The following ZNF536 variants were observed in gnomAD, a reference collection of about 807,000 sequenced individuals.
ZNF536 encodes the protein zinc finger protein 536.
Under a neutral mutation model 84.5 loss-of-function variants are expected in ZNF536, and 13 were observed. The ratio of observed to expected loss-of-function variants is 0.15; its 90% CI spans 0.10 to 0.24. ZNF536 has a LOEUF of 0.24. Among genes scored for constraint, ZNF536 ranks in the 10% least tolerant of loss-of-function variants. The probability of loss-of-function intolerance (pLI) is 1.00; values close to 1 mark genes in which losing one functional copy is unlikely to be tolerated. For synonymous variants in ZNF536, 811 were observed against 742.5 expected, an observed-to-expected ratio of 1.09 and a Z score of -1.50; for missense variants, 1,536 against 1,747.5, an observed-to-expected ratio of 0.88 and a Z score of 2.16.
chr19:30,341,349 G>A (rs142703592), intron 2 of ZNF536, among the ~76,000 whole-genome samples: 3 of 152,156 alleles, frequency 2.0e-5, no homozygotes, highest in Non-Finnish European at 2.9e-5. Flanking sequence ...TGTCCAGTTC[G>A]GTGGAAAGTA....
downstream of ZNF536, among the ~76,000 whole-genome samples, chr19:30,561,011 G>A (rs1220561361): frequency 6.6e-6 from 1 of 152,208 alleles, no homozygotes; most frequent in Non-Finnish European, 1.5e-5. Context: ...GGCTTCACGA[G>A]GGGTTTGTCT....
chr19:30,466,600 G>A (rs570536834), intron 2 of ZNF536, among the ~76,000 whole-genome samples: 5 of 151,242 alleles, frequency 3.3e-5, no homozygotes, highest in Non-Finnish European at 7.4e-5. Context: ...GAGAGAGAGA[G>A]AGAAAGAAAA....
At chr19:30,651,281 G>A (rs947925860) in intron 1 of ZNF536, among the ~76,000 whole-genome samples, 22 of 152,200 alleles carry the variant, frequency 1.4e-4, no homozygotes, top group African/African-American at 4.8e-4. Flanking sequence ...AATGTTGCCT[G>A]TGTGTTTCAT....
chr19:30,320,991 C>T (rs906742134), intron 2 of ZNF536, among the ~76,000 whole-genome samples: 1 of 152,206 alleles, frequency 6.6e-6, no homozygotes, highest in Non-Finnish European at 1.5e-5. Flanking sequence ...ACCTTGTCCT[C>T]CTGCGCCTCT....
At chr19:30,654,620 G>T (rs56226925) in intron 1 of ZNF536, among the ~76,000 whole-genome samples, 1 of 152,032 alleles carries the variant, frequency 6.6e-6, no homozygotes, top group Admixed American at 6.5e-5. Flanking sequence ...TTCCCTGGGC[G>T]GTGGCTATCT....
At chr19:30,672,783 T>C (rs2050605757) in intron 1 of ZNF536, among the ~76,000 whole-genome samples, 1 of 152,130 alleles carries the variant, frequency 6.6e-6, no homozygotes, top group Non-Finnish European at 1.5e-5. Context: ...GGAGAGAAGA[T>C]CCCAGGAAGT....
At chr19:30,328,768 G>A (rs990072958) in intron 2 of ZNF536, among the ~76,000 whole-genome samples, 2 of 152,238 alleles carry the variant, frequency 1.3e-5, no homozygotes, top group Non-Finnish European at 2.9e-5. Context: ...GTTCCTTTTG[G>A]ATTTTCCTGC....
chr19:30,637,354 A>G (rs1465530518), intron 1 of ZNF536, among the ~76,000 whole-genome samples: 1 of 152,226 alleles, frequency 6.6e-6, no homozygotes, highest in African/African-American at 2.4e-5. Flanking sequence ...GAGTCCATCA[A>G]CTGGGATTGA....
In ZNF536 at chr19:30,347,107, C is replaced by CT. The variant is rs749712758; in HGVS notation, c.-119-5248dup. 6.1e-4 allele frequency among the ~76,000 whole-genome samples: 45 copies of CT among 73,792 alleles called. 1 individual carries two copies. The highest frequency in any genetic ancestry group is 1.2e-3 in the East Asian group (2 of 1,660). 48.4% of individuals were successfully genotyped at this position (73,792 alleles called of 152,430 possible). On this transcript the variant is annotated intron_variant, in intron 2 of 5. Transcript: ENST00000585628. ...TCTAATGATCAGCGATGTTGAAGGGCTTTTTTTTTTTTTATATGATTCTTG... is the reference window on the plus strand; with the variant it reads ...TCTAATGATCAGCGATGTTGAAGGGCTTTTTTTTTTTTTTATATGATTCTTG...
At chr19:30,681,214 A>G (rs2050958075) in intron 1 of ZNF536, among the ~76,000 whole-genome samples, 1 of 152,182 alleles carries the variant, frequency 6.6e-6, no homozygotes, top group Admixed American at 6.5e-5. Flanking sequence ...TGGAGTGGGC[A>G]GGAGGGTCAC....
intron 2 of ZNF536, among the ~76,000 whole-genome samples, chr19:30,505,641 G>A (rs1057396742): frequency 2.6e-5 from 4 of 152,030 alleles, no homozygotes; most frequent in African/African-American, 9.7e-5. Flanking sequence ...TACTGTGGAA[G>A]TCTGTAGTTT....
At chr19:30,449,340 A>G (rs2052492808) in intron 2 of ZNF536, among the ~76,000 whole-genome samples, 1 of 152,072 alleles carries the variant, frequency 6.6e-6, no homozygotes, top group Non-Finnish European at 1.5e-5. Flanking sequence ...ATGCCTCCTC[A>G]TTTCTGGCTT....
At chr19:30,337,464 G>A (rs748593392) in intron 2 of ZNF536, among the ~76,000 whole-genome samples, 10 of 152,166 alleles carry the variant, frequency 6.6e-5, no homozygotes, top group Non-Finnish European at 1.5e-4. Flanking sequence ...ATTAGCCTTA[G>A]TGAGAAGAAC....
intron 1 of ZNF536, among the ~76,000 whole-genome samples, chr19:30,248,278 G>A (rs1186723522): frequency 7.4e-6 from 1 of 134,522 alleles, no homozygotes; most frequent in Non-Finnish European, 1.5e-5. Flanking sequence ...CTGGAGTGCT[G>A]TGGCATAATC....
chr19:30,677,607 C>T (rs2147789401), intron 1 of ZNF536, among the ~76,000 whole-genome samples: 1 of 152,374 alleles, frequency 6.6e-6, no homozygotes, highest in South Asian at 2.1e-4. Context: ...AGGCTGACCT[C>T]TTGGGTCCTG....
rs114262560 is a variant in ZNF536 at position 30,601,476 on chromosome 19, C to T, written c.169+51962C>T. ...GAGCCTGTCTGAGGTCTCTGGGCTA[C>T]GCTAGGAGGGCCCACATATGGCTTC... On this transcript the variant is annotated intron_variant, in intron 1 of 1. Coordinates refer to the ZNF536 transcript ENST00000592773. 1.8e-3 allele frequency among the ~76,000 whole-genome samples: 274 copies of T among 152,250 alleles called. 2 individuals are homozygous for T. The highest frequency in any genetic ancestry group is 5.8e-3 in the African/African-American group (243 of 41,540).
Position 30,444,249 on chromosome 19 carries a change from C to G in ZNF536, c.687C>G (p.His229Gln), listed in dbSNP as rs1359313801. 1 of 1,548,828 alleles carries G rather than the reference C, an allele frequency of 6.5e-7. No homozygotes were observed. The highest frequency in any genetic ancestry group is 8.7e-7 in the Non-Finnish European group (1 of 1,153,728). Residue 229 changes from histidine to glutamine, a missense_variant, in exon 2 of 5, where the codon CAC becomes CAG. Physicochemically the swap from His to Gln is conservative, Grantham distance 24. Around this residue, in one of 8 missense-constraint regions of ZNF536, gnomAD observed 138 missense variants for 136.8 expected, o/e 1.01. Coordinates refer to ENST00000355537, the MANE Select transcript of ZNF536 (RefSeq NM_014717.3). The part of the protein sequence containing the change: ...QPRPDLKPPP[H>Q]AQQAPLAACT... Reference sequence around the variant, plus strand: ...GGCCGGACCTGAAGCCCCCGCCGCACGCCCAGCAGGCCCCGCTGGCCGCCT... The same window carrying G: ...GGCCGGACCTGAAGCCCCCGCCGCAGGCCCAGCAGGCCCCGCTGGCCGCCT...
chr19:30,704,010 G>A lies in ZNF536; in HGVS notation c.170-6747G>A, dbSNP rs954845747. Among the ~76,000 whole-genome samples, 7 of 152,288 alleles carry A rather than the reference G, an allele frequency of 4.6e-5. No homozygotes were observed. In the South Asian group the frequency reaches 1.5e-3, roughly 32 times the overall value. On this transcript the variant is annotated intron_variant, in intron 1 of 1. Transcript: ENST00000592773. ...AAGCTCCTCAGTCCACTGGGGAGAA[G>A]GAGTGCCCTGAAAGTAAAGCAAAGG...
chr19:30,520,376 G>C (rs1227219763), intron 2 of ZNF536, among the ~76,000 whole-genome samples: 1 of 152,088 alleles, frequency 6.6e-6, no homozygotes, highest in Non-Finnish European at 1.5e-5. Context: ...GGATGAATGG[G>C]GAGCTCTTTG....
Sources: allele counts gnomAD v4.1 joint callset (sites outside exome capture counted in the v4.1 genomes callset), GRCh38; gene constraint gnomAD v4.1.1; regional missense constraint gnomAD v4.1.1; transcripts MANE v1.5; gene names NCBI Gene and HGNC (gene_info 2026-07-23, HGNC 2026-07-21).